Variants in ECM2 observed in about 807,000 individuals in gnomAD.
ECM2 encodes the protein extracellular matrix protein 2, also known as extracellular matrix protein 2, female organ and adipocyte specific.
ECM2 carries 57 observed loss-of-function variants against 67.5 expected under a neutral mutation model. The ratio of observed to expected loss-of-function variants is 0.84; its 90% CI spans 0.68 to 1.05. ECM2 has a LOEUF of 1.05. Among genes scored for constraint, ECM2 ranks in the 50% least tolerant of loss-of-function variants. The pLI, the probability that ECM2 is intolerant of heterozygous loss-of-function variation, is 0.00. For synonymous variants in ECM2, 258 were observed against 294.5 expected, an observed-to-expected ratio of 0.88 and a Z score of 1.27; for missense variants, 741 against 822.8, an observed-to-expected ratio of 0.90 and a Z score of 1.22.
chr9:92,553,443 A>T, the ECM2 span, among the ~76,000 whole-genome samples: 1 of 152,108 alleles, frequency 6.6e-6, no homozygotes, highest in Non-Finnish European at 1.5e-5. Context: ...TTCTGTGAAA[A>T]AGGATGGTGG....
intron 6 of ECM2, among the ~76,000 whole-genome samples, chr9:92,507,806 C>T (rs1340409140): frequency 6.6e-6 from 1 of 152,192 alleles, no homozygotes; most frequent in Non-Finnish European, 1.5e-5. Flanking sequence ...GTAAGTCCTT[C>T]CCTTTCTCCA....
the ECM2 span, among the ~76,000 whole-genome samples, chr9:92,549,789 T>TA: frequency 6.6e-6 from 1 of 152,222 alleles, no homozygotes; most frequent in Non-Finnish European, 1.5e-5. Flanking sequence ...ATAGTGCTGT[T>TA]AGGCAGTGGA....
At chr9:92,541,038 G>A (rs960532556), upstream of ECM2, among the ~76,000 whole-genome samples, 1 of 152,012 alleles carries the variant, frequency 6.6e-6, no homozygotes, top group Non-Finnish European at 1.5e-5. Context: ...GAGGTGGGCA[G>A]ATCACAAGGT....
intron 8 of ECM2, 92 bp from the exon 9 acceptor site, chr9:92,501,145 A>C: frequency 7.7e-7 from 1 of 1,294,308 alleles, no homozygotes; most frequent in South Asian, 1.4e-5. Flanking sequence ...ATGCTGGTCC[A>C]TTTTCCTATA....
intron 4 of ECM2, among the ~76,000 whole-genome samples, chr9:92,514,420 A>G (rs1347302326): frequency 1.3e-5 from 2 of 151,878 alleles, no homozygotes; most frequent in Admixed American, 1.3e-4. Flanking sequence ...GATTACAGGC[A>G]TGCCCCACCA....
the ECM2 span, among the ~76,000 whole-genome samples, chr9:92,556,317 A>G: frequency 6.6e-6 from 1 of 152,242 alleles, no homozygotes; most frequent in South Asian, 2.1e-4. Flanking sequence ...CATATGGTCT[A>G]TCTTGGAGAA....
At chr9:92,545,693 A>C in the ECM2 span, among the ~76,000 whole-genome samples, 1,158 of 152,318 alleles carry the variant, frequency 7.6e-3, 6 homozygotes, top group Non-Finnish European at 0.012. Context: ...CCACTGGGTG[A>C]ATCCAGCTGG....
chr9:92,496,362 T>C lies in ECM2; in HGVS notation c.2053A>G (p.Ile685Val), dbSNP rs760790041. 2 of 1,605,236 alleles carry C rather than the reference T, an allele frequency of 1.2e-6. No homozygotes were observed. The highest frequency in any genetic ancestry group is 1.7e-6 in the Non-Finnish European group (2 of 1,176,962). ...REIPSYTFSCIRSYSSIVLKP... is the reference protein window; with the variant it reads ...REIPSYTFSCVRSYSSIVLKP... Reference sequence around the variant, plus strand: ...AGAACGATACTTGAGTATGATCTTATGCATGAAAATGTGTAAGATGGTATT... The same window carrying C: ...AGAACGATACTTGAGTATGATCTTACGCATGAAAATGTGTAAGATGGTATT... Residue 685 changes from isoleucine to valine, a missense_variant, in exon 10 of 10, where the codon ATA becomes GTA. Physicochemically the swap from Ile to Val is conservative, Grantham distance 29. Coordinates refer to ENST00000344604, the MANE Select transcript of ECM2 (RefSeq NM_001393.4).
chr9:92,544,678 A>C, the ECM2 span, among the ~76,000 whole-genome samples: 1 of 151,990 alleles, frequency 6.6e-6, no homozygotes, highest in Non-Finnish European at 1.5e-5. Flanking sequence ...GTGGCTCACC[A>C]ATGTGAGGAC....
chr9:92,514,642 A>G lies in ECM2; in HGVS notation c.1043T>C (p.Leu348Pro). 1 of 1,581,170 alleles carries G rather than the reference A, an allele frequency of 6.3e-7. No individual in the cohort carries two copies. Among genetic ancestry groups the G allele is most frequent in the Non-Finnish European group, 8.6e-7 (1 of 1,161,560 alleles). The change falls in exon 4 of 10, where the codon CTG becomes CCG. Residue 348 changes from leucine (L) to proline (P), a missense_variant. Leu to Pro is a moderately conservative substitution (Grantham distance 98). Coordinates refer to ENST00000344604, the MANE Select transcript of ECM2 (RefSeq NM_001393.4). The part of the protein sequence containing the change: ...PPLTAPQITS[L>P]ELTGNSIASI... ...TCAACATCTCTTACCAGTGAGCTCC[A>G]GACTTGTTATCTGTGGTGCTGTCAG... is the stretch of plus-strand genomic sequence containing the variant.
chr9:92,544,554 T>A, the ECM2 span, among the ~76,000 whole-genome samples: 1 of 150,306 alleles, frequency 6.7e-6, no homozygotes, highest in Non-Finnish European at 1.5e-5. Context: ...TTTTTTTTTT[T>A]ATCATGAGAG....
At chr9:92,534,991 G>A (rs1019479636) in intron 1 of ECM2, among the ~76,000 whole-genome samples, 3 of 152,166 alleles carry the variant, frequency 2.0e-5, no homozygotes, top group Non-Finnish European at 2.9e-5. Context: ...CACTTATGGG[G>A]CATTGCCTGA....
chr9:92,510,817 A>T (rs1847287299), intron 5 of ECM2, among the ~76,000 whole-genome samples: 6 of 152,066 alleles, frequency 3.9e-5, no homozygotes, highest in Non-Finnish European at 8.8e-5. Flanking sequence ...TAGGAAAAGG[A>T]CCCCCTAATG....
chr9:92,509,207 G>A (rs571827324), intron 6 of ECM2, among the ~76,000 whole-genome samples: 6 of 152,124 alleles, frequency 3.9e-5, no homozygotes, highest in South Asian at 4.2e-4. Flanking sequence ...TCCACATGCC[G>A]TGGGGTGTGG....
At chr9:92,517,394 G>A (rs960592627) in intron 3 of ECM2, 6 of 560,698 alleles carry the variant, frequency 1.1e-5, no homozygotes, top group Non-Finnish European at 1.3e-5. Context: ...TTCAGGATCT[G>A]TTGTAGAAAT....
chr9:92,515,258 G>GA (rs1847630624), intron 3 of ECM2, 55 bp from the exon 4 acceptor site: 4 of 1,403,272 alleles, frequency 2.9e-6, no homozygotes, highest in Non-Finnish European at 3.7e-6. Flanking sequence ...ATTAATAAAA[G>GA]AAAAAACCAT....
chr9:92,551,975 A>G, the ECM2 span, among the ~76,000 whole-genome samples: 1 of 61,458 alleles, frequency 1.6e-5, no homozygotes, highest in Non-Finnish European at 2.9e-5. Flanking sequence ...TGTGATATAT[A>G]TGTGTGTGTA....
Position 92,505,676 on chromosome 9 carries a change from C to A in ECM2, c.1321G>T (p.Val441Phe), listed in dbSNP as rs1435324953. 5.1e-6 allele frequency: 8 copies of A among 1,583,908 alleles called. No individual in the cohort carries two copies. The highest frequency in any genetic ancestry group is 6.8e-6 in the Non-Finnish European group (8 of 1,171,430). ...TTGTTTCCTTCCAATTCTAAGGTGA[C>A]CAACTGATTTAAGTCTATAAAAAAT... The part of the protein sequence containing the change: ...EESLSDLNQL[V>F]TLELEGNNLS... Residue 441 changes from valine (V) to phenylalanine (F), a missense_variant, in exon 7 of 10, where the codon GTC becomes TTC. Transcript: ENST00000344604.
Position 92,512,024 on chromosome 9 carries a change from G to A in ECM2, c.1157C>T (p.Pro386Leu), listed in dbSNP as rs146339911. Residue 386 changes from proline (P) to leucine (L), a missense_variant, in exon 5 of 10, where the codon CCA becomes CTA. Transcript: ENST00000344604. ...GCATGTATTTACCTTGAATGCTTTT[G>A]GACCTATGCCTGAAGAAGTGATATT... ...KNNITSSGIGPKAFKLLKKLM... is the reference protein window; with the variant it reads ...KNNITSSGIGLKAFKLLKKLM... 871 of 1,611,558 alleles carry A rather than the reference G, an allele frequency of 5.4e-4. No individual in the cohort carries two copies. The highest frequency in any genetic ancestry group is 7.0e-4 in the Non-Finnish European group (829 of 1,178,552).
Sources: gnomAD v4.1 joint callset for allele counts (sites outside exome capture counted in the v4.1 genomes callset) on GRCh38, gnomAD v4.1.1 for gene constraint, MANE v1.5 for transcripts, NCBI Gene and HGNC (gene_info 2026-07-23, HGNC 2026-07-21) for gene names.